Variants in FGF14 observed in about 807,000 individuals in gnomAD.
FGF14 encodes fibroblast growth factor 14, also known as fibroblast growth factor homologous factor 4.
In FGF14, 5 loss-of-function variants were observed where a neutral mutation model predicts 25.5. That is an observed-to-expected ratio of 0.20 (90% CI 0.10 to 0.41). The LOEUF is 0.41. Ranked by LOEUF, FGF14 falls within the 10% of genes least tolerant of loss-of-function variation. The probability of loss-of-function intolerance (pLI) is 1.00; values close to 1 mark genes in which losing one functional copy is unlikely to be tolerated. For synonymous variants in FGF14, 138 were observed against 118.3 expected (o/e 1.17, Z -1.08); for missense variants, 222 against 320.1 (o/e 0.69, Z 2.34).
At chr13:101,811,200 T>C (rs2041493241) in intron 3 of FGF14, among the ~76,000 whole-genome samples, 1 of 152,120 alleles carries the variant, frequency 6.6e-6, no homozygotes, top group African/African-American at 2.4e-5. Flanking sequence ...TAATGACATA[T>C]ATCCACTATT....
intron 3 of FGF14, among the ~76,000 whole-genome samples, chr13:101,821,578 G>C (rs544804949): frequency 6.6e-6 from 1 of 152,290 alleles, no homozygotes; most frequent in South Asian, 2.1e-4. Flanking sequence ...TGCTATGTTT[G>C]AATGTGTAAA....
chr13:101,970,900 G>A (rs1269980773), intron 1 of FGF14, among the ~76,000 whole-genome samples: 2 of 152,138 alleles, frequency 1.3e-5, no homozygotes, highest in African/African-American at 4.8e-5. Context: ...CAGGAGCCTT[G>A]AAGCCCCTAT....
intron 1 of FGF14, among the ~76,000 whole-genome samples, chr13:102,324,897 C>T (rs964635534): frequency 2.6e-5 from 4 of 152,052 alleles, no homozygotes; most frequent in African/African-American, 7.2e-5. Flanking sequence ...TACCATATCG[C>T]CTGCTAACCA....
intron 1 of FGF14, among the ~76,000 whole-genome samples, chr13:101,999,173 A>G (rs966820465): frequency 1.3e-5 from 2 of 152,232 alleles, no homozygotes; most frequent in South Asian, 2.1e-4. Flanking sequence ...ATAATTTAAC[A>G]TTAAAGAAGA....
At chr13:102,119,000 AATTCAGTAAAACTGTTG>A (rs2045597415) in intron 1 of FGF14, among the ~76,000 whole-genome samples, 1 of 152,188 alleles carries the variant, frequency 6.6e-6, no homozygotes, top group African/African-American at 2.4e-5. Flanking sequence ...ACCCCTAATG[AATTCAGTAAAACTGTTG>A]ATTCAGCCAA....
At chr13:101,733,587 C>A (rs1234497030) in intron 3 of FGF14, among the ~76,000 whole-genome samples, 1 of 114,672 alleles carries the variant, frequency 8.7e-6, no homozygotes, top group African/African-American at 3.6e-5. Context: ...GAACAAGACT[C>A]CATCAAAAAA....
chr13:102,332,461 A>G (rs1168374421), intron 1 of FGF14, among the ~76,000 whole-genome samples: 1 of 152,142 alleles, frequency 6.6e-6, no homozygotes, highest in Non-Finnish European at 1.5e-5. Flanking sequence ...CTGTGTGTGT[A>G]TGAAACATTA....
At chr13:102,162,553 C>T (rs1594227728) in intron 1 of FGF14, among the ~76,000 whole-genome samples, 1 of 152,178 alleles carries the variant, frequency 6.6e-6, no homozygotes, top group Non-Finnish European at 1.5e-5. Context: ...CCAAAAGGGC[C>T]TAAAGTATCA....
intron 1 of FGF14, among the ~76,000 whole-genome samples, chr13:102,253,239 C>T (rs1247634007): frequency 7.2e-5 from 11 of 152,154 alleles, no homozygotes; most frequent in Non-Finnish European, 5.9e-5. Flanking sequence ...CTTGAGGAAT[C>T]GCCACACTGA....
chr13:102,352,967 TGAAA>T (rs773982383), intron 1 of FGF14, among the ~76,000 whole-genome samples: 30 of 152,194 alleles, frequency 2.0e-4, no homozygotes, highest in Non-Finnish European at 4.1e-4. Context: ...TCTGCTATCC[TGAAA>T]GAGTCTTGAA....
chr13:101,969,453 A>G (rs541979802), intron 1 of FGF14, among the ~76,000 whole-genome samples: 2 of 152,286 alleles, frequency 1.3e-5, no homozygotes, highest in South Asian at 2.1e-4. Flanking sequence ...GCTGTTAGTC[A>G]TTGGTAAAGC....
intron 1 of FGF14, among the ~76,000 whole-genome samples, chr13:102,109,702 C>T (rs1417124920): frequency 6.6e-6 from 1 of 152,146 alleles, no homozygotes; most frequent in Admixed American, 6.5e-5. Context: ...TTCACTGCAA[C>T]ATCGCCTCCC....
Position 102,150,164 on chromosome 13 carries a change from C to T in FGF14, c.208+251307G>A, listed in dbSNP as rs187185547. On this transcript the variant is annotated intron_variant, in intron 1 of 4. Coordinates refer to the FGF14 transcript ENST00000376131. ...ACCAGCTCCATGACTGCAGTCAAGTCCCTTAGCATCTTTGAATCTCGACCT... is the reference window on the plus strand; with the variant it reads ...ACCAGCTCCATGACTGCAGTCAAGTTCCTTAGCATCTTTGAATCTCGACCT... Among the ~76,000 whole-genome samples the T allele has an allele frequency of 2.7e-3, 414 of 152,176 alleles. 1 individual carries two copies. Among genetic ancestry groups the T allele is most frequent in the Non-Finnish European group, 4.2e-3 (285 of 68,012 alleles).
rs1187246063 is a variant in FGF14, at chr13:101,721,841, TATAATTACTG to T, written c.*980_*989del. The T allele has an allele frequency of 6.7e-6, 1 of 148,348 alleles. No individual in the cohort carries two copies. The highest frequency in any genetic ancestry group is 1.5e-5 in the Non-Finnish European group (1 of 67,068). 9.2% of individuals were successfully genotyped at this position (148,348 alleles called of 1,614,324 possible). A position where few individuals can be genotyped will look rare whatever the true frequency, so the allele number is the denominator to read the frequency against. On this transcript the variant is annotated 3_prime_UTR_variant, in exon 5 of 5. Transcript: ENST00000376143. ...TTTAGGTAGCGCAATTCTTGTAGGT[TATAATTACTG>T]ATTTTCCTTTTTTTTTTTTTCCAAA...
intron 1 of FGF14, among the ~76,000 whole-genome samples, chr13:101,934,794 T>C (rs1369479357): frequency 6.6e-6 from 1 of 152,188 alleles, no homozygotes; most frequent in East Asian, 1.9e-4. Flanking sequence ...ATTGGGAGAA[T>C]GGAATGTTCT....
At chr13:101,735,323 C>T (rs1021832118) in intron 3 of FGF14, among the ~76,000 whole-genome samples, 10 of 152,046 alleles carry the variant, frequency 6.6e-5, no homozygotes, top group Non-Finnish European at 4.4e-5. Context: ...TTCAACTAGA[C>T]ATAGAAAATA....
At chr13:102,075,120 T>C (rs965422166) in intron 1 of FGF14, among the ~76,000 whole-genome samples, 3 of 152,022 alleles carry the variant, frequency 2.0e-5, no homozygotes, top group Admixed American at 2.0e-4. Context: ...AAGACAGAGA[T>C]GAAAAAATTA....
At chr13:102,008,454 A>G (rs1220423721) in intron 1 of FGF14, among the ~76,000 whole-genome samples, 1 of 152,220 alleles carries the variant, frequency 6.6e-6, no homozygotes, top group Non-Finnish European at 1.5e-5. Context: ...TTTGGGTTCT[A>G]TAAGTCTTCC....
At chr13:101,985,910 C>T (rs1056578805) in intron 1 of FGF14, among the ~76,000 whole-genome samples, 2 of 152,106 alleles carry the variant, frequency 1.3e-5, no homozygotes, top group African/African-American at 4.8e-5. Flanking sequence ...TTTACCCCTC[C>T]TACCAAATCT....
Sources: allele counts gnomAD v4.1 joint callset (sites outside exome capture counted in the v4.1 genomes callset), GRCh38; gene constraint gnomAD v4.1.1; transcripts MANE v1.5; gene names NCBI Gene and HGNC (gene_info 2026-07-23, HGNC 2026-07-21).